HKDC1: variants seen among roughly 807,000 people sequenced by gnomAD.
The protein encoded by HKDC1 is hexokinase HKDC1.
A neutral mutation model predicts 96.6 loss-of-function variants in HKDC1; 66 were observed. The ratio of observed to expected loss-of-function variants is 0.68; its 90% CI spans 0.56 to 0.84. The LOEUF is 0.84. Ranked by LOEUF, HKDC1 falls within the 40% of genes least tolerant of loss-of-function variation. The pLI is 0.00. For missense variants in HKDC1, 1,211 were observed against 1,208.1 expected (o/e 1.00, Z -0.04); for synonymous variants, 466 against 473.1 (o/e 0.98, Z 0.20).
intron 12 of HKDC1, among the ~76,000 whole-genome samples, chr10:69,255,834 C>T (rs138216516): frequency 0.03 from 4,558 of 151,556 alleles, 205 homozygotes; most frequent in African/African-American, 0.1. Context: ...CGAGAATCGC[C>T]TGAACCTGGG....
chr10:69,260,982 G>A (rs992931549), intron 15 of HKDC1, among the ~76,000 whole-genome samples, 157 bp from the exon 16 acceptor site: 1 of 152,172 alleles, frequency 6.6e-6, no homozygotes, highest in Non-Finnish European at 1.5e-5. Flanking sequence ...TTTTGTAGAT[G>A]ATAGCTTGCA....
intron 1 of HKDC1, among the ~76,000 whole-genome samples, chr10:69,221,125 A>C (rs1462901534): frequency 6.6e-6 from 1 of 152,078 alleles, no homozygotes; most frequent in Admixed American, 6.6e-5. Flanking sequence ...ACTCCAGCCT[A>C]GGGGACAAGA....
intron 16 of HKDC1, among the ~76,000 whole-genome samples, chr10:69,263,428 TA>T (rs141617497): frequency 3.3e-5 from 5 of 150,176 alleles, no homozygotes; most frequent in African/African-American, 7.3e-5. Context: ...CTTCATGGAA[TA>T]AAAAAAAAAT....
intron 6 of HKDC1, among the ~76,000 whole-genome samples, chr10:69,242,920 T>A (rs566193373): frequency 3.7e-4 from 56 of 152,366 alleles, no homozygotes; most frequent in African/African-American, 1.3e-3. Context: ...TTCATCCATA[T>A]TCATCAGCGG....
At chr10:69,253,979 C>T (rs1479517412) in intron 12 of HKDC1, among the ~76,000 whole-genome samples, 1 of 152,118 alleles carries the variant, frequency 6.6e-6, no homozygotes, top group Non-Finnish European at 1.5e-5. Context: ...GAGCTCAGGA[C>T]AATAATAAGG....
rs759077779 is a variant in HKDC1 at position 69,239,151 on chromosome 10, C to T, written c.591+14C>T. On this transcript the variant is annotated intron_variant, in intron 5 of 17. Coordinates refer to ENST00000354624, the MANE Select transcript of HKDC1 (RefSeq NM_025130.4). ...AGAAGACACAAGGTGAGGAATTCAC[C>T]TCGGTGTGGGAGGCTCTCCCAGCCC... 6.2e-7 allele frequency: 1 copy of T among 1,605,132 alleles called. No individual in the cohort carries two copies. Among genetic ancestry groups the T allele is most frequent in the East Asian group, 2.2e-5 (1 of 44,814 alleles).
At chr10:69,237,762 C>T (rs372509076) in intron 4 of HKDC1, among the ~76,000 whole-genome samples, 1 of 152,152 alleles carries the variant, frequency 6.6e-6, no homozygotes, top group Non-Finnish European at 1.5e-5. Flanking sequence ...TGCCACACGG[C>T]GGCGCTGTGG....
At chr10:69,262,000 TG>T in intron 16 of HKDC1, 1 of 371,636 alleles carries the variant, frequency 2.7e-6, no homozygotes, top group Non-Finnish European at 5.4e-6. Context: ...TAGTGAATTC[TG>T]GACAAGAATA....
At chr10:69,240,490 AC>A (rs1773614751) in intron 5 of HKDC1, among the ~76,000 whole-genome samples, 161 bp from the exon 6 acceptor site, 2 of 152,026 alleles carry the variant, frequency 1.3e-5, no homozygotes, top group South Asian at 4.2e-4. Flanking sequence ...TCTCCCCTAG[AC>A]CCTGAACCTT....
chr10:69,225,814 C>T (rs1222098647), intron 1 of HKDC1: 1 of 152,330 alleles, frequency 6.6e-6, no homozygotes, highest in Non-Finnish European at 1.5e-5. Flanking sequence ...TCTCACCTCA[C>T]CTCTCACCTG....
At chr10:69,252,603 C>CT (rs1843660094) in intron 12 of HKDC1, among the ~76,000 whole-genome samples, 1 of 150,456 alleles carries the variant, frequency 6.6e-6, no homozygotes, top group Non-Finnish European at 1.5e-5. Flanking sequence ...TGAGATCGTG[C>CT]CACTGCACTC....
chr10:69,265,085 A>T (rs1843872945), intron 16 of HKDC1, among the ~76,000 whole-genome samples: 1 of 152,252 alleles, frequency 6.6e-6, no homozygotes, highest in South Asian at 2.1e-4. Flanking sequence ...AATGAGAAAA[A>T]GGGAAGAAAG....
chr10:69,247,675 A>G (rs1017504831), intron 9 of HKDC1, 82 bp downstream of exon 9: 111 of 1,112,844 alleles, frequency 1.0e-4, no homozygotes, highest in Non-Finnish European at 1.2e-4. Flanking sequence ...TATCCTGCCT[A>G]TCTGGGGTCT....
chr10:69,234,996 C>T (rs1313893426), intron 4 of HKDC1, among the ~76,000 whole-genome samples: 1 of 152,190 alleles, frequency 6.6e-6, no homozygotes, highest in Non-Finnish European at 1.5e-5. Context: ...GGCGTGGTGG[C>T]TTTTGCCTAT....
At chr10:69,222,974 C>T (rs5030941) in intron 1 of HKDC1, 48,247 of 152,026 alleles carry the variant, frequency 0.32, 8,289 homozygotes, top group East Asian at 0.72. Flanking sequence ...GATCCTGGGC[C>T]AGCGGTGCCT....
At chr10:69,261,106 T>C in intron 15 of HKDC1, 33 bp from the exon 16 acceptor site, 1 of 1,596,988 alleles carries the variant, frequency 6.3e-7, no homozygotes, top group Non-Finnish European at 8.6e-7. Flanking sequence ...GCATTGCAGG[T>C]CTGCCCCAAC....
At position 69,248,568 on chromosome 10, in the gene HKDC1, C is replaced by G. The variant is rs778487213; in HGVS notation, c.1410C>G (p.Ile470Met). 2.5e-6 allele frequency: 4 copies of G among 1,614,096 alleles called. No homozygotes were observed. Among genetic ancestry groups the G allele is most frequent in the Admixed American group, 1.7e-5 (1 of 60,020 alleles). ...ASRVQAQRKQ[I>M]DRVLALFQLT... ...GCGTGCAGGCCCAGCGGAAGCAGAT[C>G]GACAGGGTGCTGGCTTTGTTCCAGC... The change falls in exon 10 of 18, where the codon ATC becomes ATG. Residue 470 changes from isoleucine (I) to methionine (M), a missense_variant. By Grantham distance (10) the Ile-to-Met change is conservative. Coordinates refer to ENST00000354624, the MANE Select transcript of HKDC1 (RefSeq NM_025130.4).
chr10:69,242,871 T>C (rs1843474529), intron 6 of HKDC1, among the ~76,000 whole-genome samples: 2 of 152,256 alleles, frequency 1.3e-5, no homozygotes, highest in Admixed American at 6.5e-5. Flanking sequence ...TTTACAAGAT[T>C]ATCTTCATTT....
chr10:69,264,257 G>A (rs1189443965), intron 16 of HKDC1, among the ~76,000 whole-genome samples: 1 of 147,538 alleles, frequency 6.8e-6, no homozygotes, highest in Non-Finnish European at 1.5e-5. Flanking sequence ...TTTTAATCTG[G>A]GCAAGGGCAA....
Sources: gnomAD v4.1 joint callset for allele counts (sites outside exome capture counted in the v4.1 genomes callset) on GRCh38, gnomAD v4.1.1 for gene constraint, MANE v1.5 for transcripts, NCBI Gene and HGNC (gene_info 2026-07-23, HGNC 2026-07-21) for gene names.